Variants in ATF7IP2 observed in about 807,000 individuals in gnomAD.
ATF7IP2 encodes the protein activating transcription factor 7 interacting protein 2, also known as activating transcription factor 7-interacting protein 2.
A neutral mutation model predicts 64.2 loss-of-function variants in ATF7IP2; 42 were observed. That is an observed-to-expected ratio of 0.65 (90% CI 0.51 to 0.85). ATF7IP2 has a LOEUF of 0.85. ATF7IP2 is among the 40% of genes least tolerant of loss of function. The pLI, the probability that ATF7IP2 is intolerant of heterozygous loss-of-function variation, is 0.00. For synonymous variants in ATF7IP2, 308 were observed against 272.8 expected (o/e 1.13, Z -1.27); for missense variants, 933 against 784.2 (o/e 1.19, Z -2.27).
chr16:10,473,018 T>C (rs1482041788), intron 10 of ATF7IP2, among the ~76,000 whole-genome samples: 3 of 152,230 alleles, frequency 2.0e-5, no homozygotes, highest in Non-Finnish European at 4.4e-5. Flanking sequence ...TTTAAAGCTT[T>C]GCCTCCACTT....
chr16:10,451,070 A>G (rs1018319248), intron 8 of ATF7IP2, among the ~76,000 whole-genome samples: 11 of 152,196 alleles, frequency 7.2e-5, no homozygotes, highest in Non-Finnish European at 1.3e-4. Flanking sequence ...TCCTTCACTT[A>G]TGAAGCTTAG....
At chr16:10,418,925 G>C (rs890035120) in intron 2 of ATF7IP2, among the ~76,000 whole-genome samples, 6 of 152,186 alleles carry the variant, frequency 3.9e-5, no homozygotes, top group African/African-American at 1.2e-4. Flanking sequence ...GTTTTGTTCA[G>C]ACCAACTGAA....
At chr16:10,393,084 C>T (rs1047422204) in intron 1 of ATF7IP2, among the ~76,000 whole-genome samples, 3 of 151,678 alleles carry the variant, frequency 2.0e-5, no homozygotes, top group East Asian at 3.9e-4. Flanking sequence ...CTAAGGTGGA[C>T]GGATCACTTG....
chr16:10,473,431 C>A, intron 10 of ATF7IP2, 48 bp from the exon 11 acceptor site: 1 of 1,137,456 alleles, frequency 8.8e-7, no homozygotes, highest in Non-Finnish European at 1.3e-6. Context: ...TTTCACAAAG[C>A]CCATAAATAT....
At chr16:10,409,442 G>A (rs2047707160) in intron 1 of ATF7IP2, among the ~76,000 whole-genome samples, 2 of 151,534 alleles carry the variant, frequency 1.3e-5, no homozygotes, top group African/African-American at 4.9e-5. Context: ...TTTTTCTGAT[G>A]TTATCTTCTA....
At chr16:10,445,339 G>A (rs1567472329) in intron 8 of ATF7IP2, 1 of 152,082 alleles carries the variant, frequency 6.6e-6, no homozygotes, top group Non-Finnish European at 1.5e-5. Flanking sequence ...ACTGTGGTAG[G>A]GGGAGGAAGG....
chr16:10,405,325 A>G (rs2047615529), intron 1 of ATF7IP2, among the ~76,000 whole-genome samples: 2 of 151,820 alleles, frequency 1.3e-5, no homozygotes, highest in Admixed American at 6.6e-5. Context: ...AGCCGAGATC[A>G]TACCACATTG....
At chr16:10,461,354 G>C (rs1400146312) in intron 9 of ATF7IP2, among the ~76,000 whole-genome samples, 1 of 152,104 alleles carries the variant, frequency 6.6e-6, no homozygotes, top group Non-Finnish European at 1.5e-5. Context: ...ATCCTAGTTA[G>C]AGGTATATCT....
chr16:10,395,927 AT>A lies in ATF7IP2; in HGVS notation c.-242+9816del, dbSNP rs562408743. 2.2e-3 allele frequency among the ~76,000 whole-genome samples: 328 copies of A among 147,396 alleles called. 1 individual carries two copies. The highest frequency in any genetic ancestry group is 6.9e-3 in the African/African-American group (278 of 40,476). ...GGATCTAGTCAGGAAAATGAAGCCC[AT>A]TTTTTTTTTTCAAATAATAAAAGCA... is the stretch of plus-strand genomic sequence containing the variant. On this transcript the variant is annotated intron_variant, in intron 1 of 13. Transcript: ENST00000562102.
At chr16:10,423,986 C>G (rs1390076848) in intron 3 of ATF7IP2, among the ~76,000 whole-genome samples, 1 of 152,184 alleles carries the variant, frequency 6.6e-6, no homozygotes, top group African/African-American at 2.4e-5. Flanking sequence ...TAGCTGAGAG[C>G]CACGAAGAGT....
intron 2 of ATF7IP2, among the ~76,000 whole-genome samples, chr16:10,418,489 G>C (rs563370260): frequency 6.6e-6 from 1 of 152,170 alleles, no homozygotes; most frequent in African/African-American, 2.4e-5. Context: ...ACTTCTTGCA[G>C]GAGTCAGGAT....
intron 10 of ATF7IP2, among the ~76,000 whole-genome samples, 195 bp downstream of exon 10, chr16:10,472,378 A>C (rs2049832924): frequency 6.6e-6 from 1 of 152,182 alleles, no homozygotes; most frequent in Admixed American, 6.5e-5. Context: ...TTTCATTTTA[A>C]CCTTGTGTTT....
At position 10,437,138 on chromosome 16, in the gene ATF7IP2, C is replaced by G. The variant is rs143476407; in HGVS notation, c.961-963C>G. Among the ~76,000 whole-genome samples the G allele has an allele frequency of 4.2e-3, 644 of 151,974 alleles. 2 individuals carry two copies. Among genetic ancestry groups the G allele is most frequent in the African/African-American group, 0.015 (621 of 41,444 alleles). On this transcript the variant is annotated intron_variant, in intron 6 of 13. Transcript: ENST00000562102. ...CTGGATTCAAGCAGTTCTCCTGTCT[C>G]AGCCTCCAGAGTAGCTGAGACTATG... is the stretch of plus-strand genomic sequence containing the variant.
chr16:10,442,362 C>T (rs2048656754), intron 8 of ATF7IP2, among the ~76,000 whole-genome samples: 1 of 152,168 alleles, frequency 6.6e-6, no homozygotes, highest in Non-Finnish European at 1.5e-5. Context: ...TCTTGATTTT[C>T]TAGCAGTAAA....
chr16:10,404,517 G>A (rs946227781), intron 1 of ATF7IP2, among the ~76,000 whole-genome samples: 1 of 151,792 alleles, frequency 6.6e-6, no homozygotes, highest in African/African-American at 2.4e-5. Flanking sequence ...AAAGTGCTGG[G>A]ATTATAGGCG....
At chr16:10,390,398 T>C (rs1440156606) in intron 1 of ATF7IP2, among the ~76,000 whole-genome samples, 3 of 152,290 alleles carry the variant, frequency 2.0e-5, no homozygotes, top group East Asian at 3.8e-4. Context: ...TGGATAAATA[T>C]CAAATTATAA....
At chr16:10,455,529 A>G (rs1379017517) in intron 8 of ATF7IP2, among the ~76,000 whole-genome samples, 1 of 152,252 alleles carries the variant, frequency 6.6e-6, no homozygotes, top group African/African-American at 2.4e-5. Flanking sequence ...GAAATTCACA[A>G]AGAATTTGGT....
At chr16:10,473,833 C>A in intron 11 of ATF7IP2, 90 bp from the exon 12 acceptor site, 2 of 815,868 alleles carry the variant, frequency 2.5e-6, no homozygotes, top group Non-Finnish European at 1.9e-6. Context: ...TTTAAAATTA[C>A]CATTTAAAAT....
chr16:10,448,652 T>C (rs1009139963), intron 8 of ATF7IP2: 4 of 152,166 alleles, frequency 2.6e-5, no homozygotes, highest in Non-Finnish European at 5.9e-5. Flanking sequence ...CTTAAGGAGA[T>C]TTGGGGCTGA....
Sources: allele counts gnomAD v4.1 joint callset (sites outside exome capture counted in the v4.1 genomes callset), GRCh38; gene constraint gnomAD v4.1.1; transcripts MANE v1.5; gene names NCBI Gene and HGNC (gene_info 2026-07-23, HGNC 2026-07-21).